Variants in CKMT2 observed in about 807,000 individuals in gnomAD.
CKMT2 encodes creatine kinase S-type, mitochondrial.
In CKMT2, 43 loss-of-function variants were observed where a neutral mutation model predicts 48.9. The ratio of observed to expected loss-of-function variants is 0.88; its 90% CI spans 0.69 to 1.13. CKMT2 has a LOEUF of 1.13. Among genes scored for constraint, CKMT2 ranks in the 50% most tolerant of loss-of-function variants. The pLI is 0.00. For synonymous variants in CKMT2, 206 were observed against 213.0 expected (o/e 0.97, Z 0.29); for missense variants, 472 against 555.4 (o/e 0.85, Z 1.51).
At position 81,266,334 on chromosome 5, in the gene CKMT2, T is replaced by C. The variant is rs1350316627; in HGVS notation, c.*76T>C. The stretch of plus-strand genomic sequence containing the variant: ...TAAATCTCTACTCTGAGAGTTTTTA[T>C]ACACTTGGAAAAATATAAAATTGTA... On this transcript the variant is annotated 3_prime_UTR_variant, in exon 10 of 10. Transcript: ENST00000254035. 7.8e-6 allele frequency: 11 copies of C among 1,406,048 alleles called. No individual in the cohort carries two copies. Among genetic ancestry groups the C allele is most frequent in the Non-Finnish European group, 9.9e-6 (10 of 1,013,892 alleles). 87.1% of individuals were successfully genotyped at this position (1,406,048 alleles called of 1,614,324 possible).
intron 1 of CKMT2, among the ~76,000 whole-genome samples, chr5:81,236,807 A>C (rs1756258022): frequency 6.6e-6 from 1 of 152,198 alleles, no homozygotes; most frequent in Non-Finnish European, 1.5e-5. Context: ...GTAGATCTGA[A>C]AGTATGTGAT....
chr5:81,263,181 G>A (rs1051714025), intron 8 of CKMT2, among the ~76,000 whole-genome samples: 1 of 151,224 alleles, frequency 6.6e-6, no homozygotes, highest in Admixed American at 6.6e-5. Flanking sequence ...GTTGGGGGGT[G>A]GGGGTTTGGG....
At chr5:81,234,182 T>G (rs1756187490) in intron 1 of CKMT2, among the ~76,000 whole-genome samples, 1 of 152,026 alleles carries the variant, frequency 6.6e-6, no homozygotes. Context: ...AATGCTCTCC[T>G]CCGAATGTGA....
chr5:81,254,786 C>T (rs757774143), intron 4 of CKMT2: 8 of 605,870 alleles, frequency 1.3e-5, no homozygotes, highest in Non-Finnish European at 2.0e-5. Context: ...GACCCCAGAC[C>T]ACGCTATATA....
rs190956257 is a variant in CKMT2 at position 81,259,748 on chromosome 5, T to C, written c.1014+494T>C. ...GAGCACTCTTCTTAGAGACCTACAA[T>C]GAGACTTAGACTCCCACACAATAAC... On this transcript the variant is annotated intron_variant, in intron 8 of 9. Transcript: ENST00000254035. Among the ~76,000 whole-genome samples the C allele has an allele frequency of 5.3e-5, 8 of 152,284 alleles. No homozygotes were observed. The East Asian group carries it at 1.2e-3, about 22-fold the overall frequency.
At chr5:81,243,920 T>C in intron 1 of CKMT2, 1 of 453,618 alleles carries the variant, frequency 2.2e-6, no homozygotes, top group African/African-American at 2.1e-5. Context: ...CTCTAACTCC[T>C]GACCTCAGGT....
intron 1 of CKMT2, 142 bp downstream of exon 1, chr5:81,233,519 C>A: frequency 1.8e-6 from 1 of 553,650 alleles, no homozygotes; most frequent in Non-Finnish European, 2.3e-6. Flanking sequence ...GCAATGGTGA[C>A]TCGCTAAAGC....
Position 81,252,830 on chromosome 5 carries a change from C to T in CKMT2, c.288C>T (p.Asp96=). ...TLDQCIQTGV[D]NPGHPFIKTV... ...ACCAGTGCATCCAGACTGGAGTGGACAACCCTGGCCACCCCTTCATAAAGA... is the reference window on the plus strand; with the variant it reads ...ACCAGTGCATCCAGACTGGAGTGGATAACCCTGGCCACCCCTTCATAAAGA... The change falls in exon 3 of 10, where the codon GAC becomes GAT. Residue 96 remains aspartate (D), a synonymous_variant. Transcript: ENST00000254035. The T allele has an allele frequency of 1.2e-6, 2 of 1,614,234 alleles. No homozygotes were observed. Among genetic ancestry groups the T allele is most frequent in the Non-Finnish European group, 1.7e-6 (2 of 1,180,044 alleles).
At chr5:81,257,123 GA>G in intron 6 of CKMT2, 123 bp downstream of exon 6, 1 of 659,088 alleles carries the variant, frequency 1.5e-6, no homozygotes, top group Non-Finnish European at 2.6e-6. Flanking sequence ...GAGCTAAATG[GA>G]AAAAGACTAC....
chr5:81,243,765 C>T (rs1303444761), intron 1 of CKMT2, among the ~76,000 whole-genome samples: 1 of 151,996 alleles, frequency 6.6e-6, no homozygotes, highest in African/African-American at 2.4e-5. Flanking sequence ...TCTCGCCTCA[C>T]TGCAACCTCC....
chr5:81,255,056 A>G lies in CKMT2; in HGVS notation c.511A>G (p.Ile171Val), dbSNP rs1159550942. The G allele has an allele frequency of 6.2e-7, 1 of 1,613,946 alleles. No individual in the cohort carries two copies. ...TTCTCGGGTGCGCACTGGCCGCAGC[A>G]TCCGTGGGCTGAGCCTGCCTCCAGC... The part of the protein sequence containing the change: ...LSSRVRTGRS[I>V]RGLSLPPACT... The change falls in exon 5 of 10, where the codon ATC becomes GTC. Residue 171 changes from isoleucine (I) to valine (V), a missense_variant. By Grantham distance (29) the Ile-to-Val change is conservative (BLOSUM62 3). Coordinates refer to ENST00000254035, the MANE Select transcript of CKMT2 (RefSeq NM_001099735.2).
intron 1 of CKMT2, chr5:81,238,597 T>G (rs76661037): frequency 0.032 from 4,921 of 152,354 alleles, 116 homozygotes; most frequent in Non-Finnish European, 0.049. Flanking sequence ...AAGTCCCAGG[T>G]CTCACAGTTT....
At chr5:81,260,995 G>A (rs925297829) in intron 8 of CKMT2, among the ~76,000 whole-genome samples, 1 of 152,182 alleles carries the variant, frequency 6.6e-6, no homozygotes, top group Non-Finnish European at 1.5e-5. Context: ...GAATCCAGCA[G>A]CACATCAAAA....
intron 1 of CKMT2, among the ~76,000 whole-genome samples, chr5:81,246,152 AC>A (rs1756603487): frequency 6.6e-6 from 1 of 151,130 alleles, no homozygotes; most frequent in Non-Finnish European, 1.5e-5. Flanking sequence ...AGCCAGAGCT[AC>A]CCCTGTAACT....
chr5:81,233,430 A>G, intron 1 of CKMT2, 53 bp downstream of exon 1: 1 of 981,740 alleles, frequency 1.0e-6, no homozygotes, highest in Non-Finnish European at 1.2e-6. Flanking sequence ...GGTCATGGCT[A>G]GAGCCAGTGT....
intron 2 of CKMT2, chr5:81,252,375 CT>C (rs1204713083): frequency 9.5e-6 from 3 of 315,060 alleles, no homozygotes; most frequent in Non-Finnish European, 1.8e-5. Context: ...GGTCCTAAAT[CT>C]CCTATTCCTC....
Position 81,252,750 on chromosome 5 carries a change from C to CCCG in CKMT2, c.211_213dup (p.Ala71dup). 1 of 1,614,228 alleles carries CCCG rather than the reference C, an allele frequency of 6.2e-7. No individual in the cohort carries two copies. Among genetic ancestry groups the CCCG allele is most frequent in the Non-Finnish European group, 8.5e-7 (1 of 1,180,042 alleles). ...CAACTGCATGGCCGAGTGCCTCACC[C>CCCG]CCGCCATTTATGCCAAGCTTCGCAA... is the stretch of plus-strand genomic sequence containing the variant. On this transcript the variant is annotated inframe_insertion, in exon 3 of 10. Transcript: ENST00000254035.
intron 3 of CKMT2, among the ~76,000 whole-genome samples, chr5:81,253,507 C>A (rs1368456354): frequency 6.6e-6 from 1 of 152,228 alleles, no homozygotes; most frequent in African/African-American, 2.4e-5. Context: ...AGAGCAGCCT[C>A]TCCGCTGAGG....
chr5:81,253,639 C>T (rs910168038), intron 3 of CKMT2, among the ~76,000 whole-genome samples: 1 of 152,182 alleles, frequency 6.6e-6, no homozygotes, highest in Admixed American at 6.5e-5. Flanking sequence ...TGAATAAACA[C>T]GACTGGTGGC....
Sources: allele counts gnomAD v4.1 joint callset (sites outside exome capture counted in the v4.1 genomes callset), GRCh38; gene constraint gnomAD v4.1.1; transcripts MANE v1.5; gene names NCBI Gene and HGNC (gene_info 2026-07-23, HGNC 2026-07-21).